FBXL13: variants seen among roughly 807,000 people sequenced by gnomAD.
FBXL13 encodes F-box and leucine-rich repeat protein 13.
FBXL13 carries 67 observed loss-of-function variants against 83.6 expected under a neutral mutation model. The ratio of observed to expected loss-of-function variants is 0.80; its 90% CI spans 0.66 to 0.98. The LOEUF (loss-of-function observed/expected upper bound fraction) is 0.98. Among genes scored for constraint, FBXL13 ranks in the 50% least tolerant of loss-of-function variants. The probability of loss-of-function intolerance (pLI) is 0.00; values close to 1 mark genes in which losing one functional copy is unlikely to be tolerated. For missense variants in FBXL13, 822 were observed against 866.5 expected (o/e 0.95, Z 0.64); for synonymous variants, 272 against 299.5 (o/e 0.91, Z 0.95).
chr7:103,042,617 C>T (rs1795845221), intron 2 of FBXL13, among the ~76,000 whole-genome samples: 2 of 152,184 alleles, frequency 1.3e-5, no homozygotes, highest in African/African-American at 4.8e-5. Context: ...GGTACCAAAA[C>T]AGATATATAG....
chr7:103,023,005 G>A (rs923119733), intron 6 of FBXL13, among the ~76,000 whole-genome samples: 5 of 152,154 alleles, frequency 3.3e-5, no homozygotes, highest in Admixed American at 2.0e-4. Flanking sequence ...AGCCAGGCAC[G>A]GTGGCTCATG....
intron 2 of FBXL13, among the ~76,000 whole-genome samples, chr7:103,042,016 G>A (rs1287080825): frequency 6.6e-6 from 1 of 152,094 alleles, no homozygotes; most frequent in South Asian, 2.1e-4. Flanking sequence ...ATTCAATTAG[G>A]AAAAGAGGAA....
At chr7:102,866,256 A>C (rs1807635729) in intron 16 of FBXL13, among the ~76,000 whole-genome samples, 1 of 152,176 alleles carries the variant, frequency 6.6e-6, no homozygotes, top group Admixed American at 6.5e-5. Flanking sequence ...TCTTGAGGGA[A>C]GTGACAGGCT....
At chr7:102,853,038 T>C (rs568144561) in intron 17 of FBXL13, among the ~76,000 whole-genome samples, 4 of 152,316 alleles carry the variant, frequency 2.6e-5, no homozygotes, top group African/African-American at 9.6e-5. Context: ...CTGGGTGGAA[T>C]TGGAGACCAT....
chr7:103,015,512 T>C (rs553625761), intron 6 of FBXL13, among the ~76,000 whole-genome samples: 6 of 152,238 alleles, frequency 3.9e-5, no homozygotes, highest in Non-Finnish European at 8.8e-5. Flanking sequence ...AAAATCACTG[T>C]ACTAGCTGTG....
chr7:103,061,169 T>C (rs1051162187), intron 1 of FBXL13, among the ~76,000 whole-genome samples: 2 of 151,780 alleles, frequency 1.3e-5, no homozygotes, highest in Non-Finnish European at 2.9e-5. Flanking sequence ...GGACCAGACT[T>C]GAAGGGTTTT....
At chr7:103,035,090 G>C (rs544702983) in intron 2 of FBXL13, among the ~76,000 whole-genome samples, 1 of 152,322 alleles carries the variant, frequency 6.6e-6, no homozygotes, top group South Asian at 2.1e-4. Context: ...CTTGTGAAAA[G>C]TGTGACCAAC....
intron 17 of FBXL13, among the ~76,000 whole-genome samples, chr7:102,846,561 A>C (rs538467250): frequency 6.6e-6 from 1 of 151,062 alleles, no homozygotes; most frequent in East Asian, 1.9e-4. Flanking sequence ...GGTTGCAGTG[A>C]GCCAAGATCG....
chr7:103,014,939 A>G (rs1792099099), intron 6 of FBXL13, among the ~76,000 whole-genome samples: 1 of 149,840 alleles, frequency 6.7e-6, no homozygotes, highest in South Asian at 2.1e-4. Context: ...AAAAAAAAAA[A>G]AAAAAAAAGA....
intron 2 of FBXL13, among the ~76,000 whole-genome samples, chr7:103,037,635 T>C (rs112137198): frequency 4.0e-5 from 6 of 151,762 alleles, no homozygotes; most frequent in African/African-American, 1.5e-4. Context: ...TGAGACTCTG[T>C]CTGTACCAAA....
At chr7:102,811,407 G>A (rs1238301527), downstream of FBXL13, among the ~76,000 whole-genome samples, 1 of 152,164 alleles carries the variant, frequency 6.6e-6, no homozygotes, top group Non-Finnish European at 1.5e-5. Context: ...TTCTCTACCT[G>A]TATCCCTATT....
In FBXL13 at chr7:102,895,245, A is replaced by C. The variant is rs1812113808; in HGVS notation, c.1009-10933T>G. Among the ~76,000 whole-genome samples, 3 of 152,176 alleles carry C rather than the reference A, an allele frequency of 2.0e-5. No individual in the cohort carries two copies. In the South Asian group the frequency reaches 6.2e-4, roughly 32 times the overall value. On this transcript the variant is annotated intron_variant, in intron 11 of 19. Transcript: ENST00000313221. ...CTAGAGAAGGCTGTGATTGAACAGA[A>C]CCTTGAAGGATAAGTGCAAGTTAAT...
At chr7:102,983,781 G>A (rs949897178) in intron 6 of FBXL13, among the ~76,000 whole-genome samples, 11 of 152,038 alleles carry the variant, frequency 7.2e-5, no homozygotes, top group African/African-American at 2.7e-4. Context: ...GTGGGTCACC[G>A]GATGAGATAA....
intron 11 of FBXL13, among the ~76,000 whole-genome samples, chr7:102,906,634 G>A (rs73192019): frequency 0.15 from 23,561 of 152,118 alleles, 1,870 homozygotes; most frequent in Middle Eastern, 0.21. Context: ...TAGGGTAAAA[G>A]TTTTTTTCCT....
intron 16 of FBXL13, among the ~76,000 whole-genome samples, chr7:102,871,137 TCTC>T (rs1808464502): frequency 6.6e-6 from 1 of 152,090 alleles, no homozygotes; most frequent in South Asian, 2.1e-4. Flanking sequence ...GGAGTACATT[TCTC>T]CTCATGCCCC....
intron 6 of FBXL13, among the ~76,000 whole-genome samples, chr7:103,014,531 CATT>C (rs1792024285): frequency 6.6e-6 from 1 of 152,130 alleles, no homozygotes; most frequent in Admixed American, 6.5e-5. Context: ...ATGAGGCCAA[CATT>C]ATCCTGATAC....
intron 7 of FBXL13, among the ~76,000 whole-genome samples, chr7:102,966,356 T>C (rs1380344756): frequency 6.6e-6 from 1 of 152,202 alleles, no homozygotes; most frequent in African/African-American, 2.4e-5. Context: ...GTGATGCTGA[T>C]ACTACTGGTT....
chr7:102,877,855 A>G (rs917052884), intron 15 of FBXL13, among the ~76,000 whole-genome samples: 1 of 152,202 alleles, frequency 6.6e-6, no homozygotes, highest in Non-Finnish European at 1.5e-5. Flanking sequence ...GTCACATATC[A>G]AAAACTATCA....
chr7:103,074,548 G>C, exon 1 of FBXL13: 2 of 1,214,874 alleles, frequency 1.6e-6, no homozygotes, highest in Non-Finnish European at 2.1e-6. Context: ...GTCCGAATTT[G>C]ACTTCACTTT....
Sources: allele counts gnomAD v4.1 joint callset (sites outside exome capture counted in the v4.1 genomes callset), GRCh38; gene constraint gnomAD v4.1.1; transcripts MANE v1.5; gene names NCBI Gene and HGNC (gene_info 2026-07-23, HGNC 2026-07-21).